The following VSIG10 variants were observed in gnomAD, a reference collection of about 807,000 sequenced individuals.
VSIG10 encodes V-set and immunoglobulin domain containing 10, also known as V-set and immunoglobulin domain-containing protein 10.
In VSIG10, 48 loss-of-function variants were observed where a neutral mutation model predicts 58.7. The ratio of observed to expected loss-of-function variants is 0.82; its 90% CI spans 0.65 to 1.04. The LOEUF (loss-of-function observed/expected upper bound fraction) is 1.04. VSIG10 is among the 50% of genes least tolerant of loss of function. The probability of loss-of-function intolerance (pLI) is 0.00; values close to 1 mark genes in which losing one functional copy is unlikely to be tolerated. For synonymous variants in VSIG10, 260 were observed against 267.1 expected (o/e 0.97, Z 0.26); for missense variants, 628 against 670.0 (o/e 0.94, Z 0.69).
chr12:118,082,074 G>A, intron 3 of VSIG10, 53 bp downstream of exon 3: 1 of 1,381,042 alleles, frequency 7.2e-7, no homozygotes, highest in Non-Finnish European at 1.0e-6. Flanking sequence ...CAGTTCATAA[G>A]TTCACAAAGG....
intron 2 of VSIG10, among the ~76,000 whole-genome samples, chr12:118,090,397 G>T (rs1335580363): frequency 6.6e-6 from 1 of 152,230 alleles, no homozygotes; most frequent in African/African-American, 2.4e-5. Flanking sequence ...TATCTGCAAA[G>T]ACCCTATTTC....
chr12:118,071,462 T>A lies in VSIG10; in HGVS notation c.1227A>T (p.Leu409Phe). The part of the protein sequence containing the change: ...MEIWLSVKEP[L>F]NIGGIVGTIV... ...TGGTTCCCACAATCCCCCCGATATTTAAAGGTTCTGTAAAGACAAATCACA... is the reference window on the plus strand; with the variant it reads ...TGGTTCCCACAATCCCCCCGATATTAAAAGGTTCTGTAAAGACAAATCACA... Residue 409 changes from leucine (L) to phenylalanine (F), a missense_variant, in exon 6 of 9, where the codon TTA (leucine) becomes TTT (phenylalanine). Transcript: ENST00000359236. 1 of 1,613,862 alleles carries A rather than the reference T, an allele frequency of 6.2e-7. No individual in the cohort carries two copies. The highest frequency in any genetic ancestry group is 1.7e-5 in the Admixed American group (1 of 60,008).
intron 1 of VSIG10, among the ~76,000 whole-genome samples, chr12:118,097,390 G>A (rs2033492653): frequency 6.6e-6 from 1 of 152,046 alleles, no homozygotes; most frequent in South Asian, 2.1e-4. Context: ...GAGGGAGGAG[G>A]TTTCACTTGA....
rs1432108902 is a variant in VSIG10 at position 118,064,070 on chromosome 12, T to C, written c.*2569A>G. The C allele has an allele frequency of 1.3e-5, 2 of 152,246 alleles. No individual in the cohort carries two copies. Among genetic ancestry groups the C allele is most frequent in the Non-Finnish European group, 2.9e-5 (2 of 68,052 alleles). 9.4% of individuals were successfully genotyped at this position (152,246 alleles called of 1,614,324 possible). On this transcript the variant is annotated 3_prime_UTR_variant, in exon 9 of 9. Coordinates refer to ENST00000359236, the MANE Select transcript of VSIG10 (RefSeq NM_019086.6). Reference sequence around the variant, plus strand: ...AACAATACATGCAGATAAGATTTTTTTTAAAGCACAGTGTAACAACTTGGA... The same window carrying C: ...AACAATACATGCAGATAAGATTTTTCTTAAAGCACAGTGTAACAACTTGGA...
chr12:118,078,963 AAAAAAT>A (rs1433859748), intron 4 of VSIG10, among the ~76,000 whole-genome samples: 36,593 of 123,820 alleles, frequency 0.3, 7,174 homozygotes, highest in Admixed American at 0.35. Flanking sequence ...AAAAAAAAAA[AAAAAAT>A]TTTCTTTATA....
Position 118,103,901 on chromosome 12 carries a change from G to A in VSIG10, c.-230C>T, listed in dbSNP as rs1465799685. 2.4e-6 allele frequency: 1 copy of A among 416,464 alleles called. No individual in the cohort carries two copies. The highest frequency in any genetic ancestry group is 4.2e-6 in the Non-Finnish European group (1 of 235,680). 25.8% of individuals were successfully genotyped at this position (416,464 alleles called of 1,614,324 possible). A position where few individuals can be genotyped will look rare whatever the true frequency, so the allele number is the denominator to read the frequency against. ...CCCGCTCCCGAGCGCCCTGGCCGGGGAGGGAGGGCGCACCCCGCCCCCTGC... is the reference window on the plus strand; with the variant it reads ...CCCGCTCCCGAGCGCCCTGGCCGGGAAGGGAGGGCGCACCCCGCCCCCTGC... On this transcript the variant is annotated 5_prime_UTR_variant, in exon 1 of 9. Transcript: ENST00000359236.
intron 4 of VSIG10, among the ~76,000 whole-genome samples, chr12:118,077,168 G>A (rs996642450): frequency 2.8e-4 from 43 of 152,214 alleles, no homozygotes; most frequent in African/African-American, 9.4e-4. Context: ...CTTTACACAC[G>A]ATGCCCCGGC....
In VSIG10 at chr12:118,071,413, G is replaced by A. The variant is rs2032487809; in HGVS notation, c.1276C>T (p.Leu426=). The change falls in exon 6 of 9, where the codon CTG becomes TTG. Residue 426 remains leucine (L), a synonymous_variant. Coordinates refer to ENST00000359236, the MANE Select transcript of VSIG10 (RefSeq NM_019086.6). The stretch of plus-strand genomic sequence containing the variant: ...AACAGAAGCCCTGAGATAATGGCCA[G>A]TCCCAGCAGAAGGAGGCTCACAATG... ...GTIVSLLLLG[L]AIISGLLLHY... 2 of 1,613,812 alleles carry A rather than the reference G, an allele frequency of 1.2e-6. No homozygotes were observed. The highest frequency in any genetic ancestry group is 1.7e-5 in the Admixed American group (1 of 59,986).
intron 3 of VSIG10, among the ~76,000 whole-genome samples, 151 bp from the exon 4 acceptor site, chr12:118,079,757 T>G (rs2032876432): frequency 1.3e-5 from 2 of 152,234 alleles, no homozygotes; most frequent in Non-Finnish European, 2.9e-5. Context: ...AATTCATGCC[T>G]GACAACAGTC....
intron 1 of VSIG10, among the ~76,000 whole-genome samples, chr12:118,098,317 CCG>C (rs2033527593): frequency 8.0e-6 from 1 of 125,380 alleles, no homozygotes; most frequent in African/African-American, 3.2e-5. Context: ...CCCTCTCTCT[CCG>C]CCTCTCCCTC....
chr12:118,099,217 G>A (rs965566269), intron 1 of VSIG10, among the ~76,000 whole-genome samples: 1 of 151,742 alleles, frequency 6.6e-6, no homozygotes, highest in African/African-American at 2.4e-5. Context: ...TTGTGACACT[G>A]CACTCCAGCC....
chr12:118,074,064 A>G (rs2032613036), intron 4 of VSIG10, 72 bp from the exon 5 acceptor site: 1 of 1,433,084 alleles, frequency 7.0e-7, no homozygotes, highest in East Asian at 2.4e-5. Context: ...CTGCAGGAAA[A>G]CTGCAGTAGT....
Position 118,082,272 on chromosome 12 carries a change from G to C in VSIG10, c.519C>G (p.Ser173Arg), listed in dbSNP as rs768814638. ...VEWWFQALNS[S>R]SESFGHNLTV... ...TCAGGTTGTGGCCAAAGGACTCGCT[G>C]CTGGAATTCAGGGCCTGGAACCACC... Residue 173 changes from serine (S) to arginine (R), a missense_variant, in exon 3 of 9, where the codon AGC becomes AGG. Physicochemically the swap from Ser to Arg is moderately radical, Grantham distance 110. Transcript: ENST00000359236. The C allele has an allele frequency of 6.2e-7, 1 of 1,613,988 alleles. No homozygotes were observed. Among genetic ancestry groups the C allele is most frequent in the South Asian group, 1.1e-5 (1 of 91,092 alleles).
At chr12:118,101,291 T>C (rs894211568) in intron 1 of VSIG10, among the ~76,000 whole-genome samples, 1 of 152,138 alleles carries the variant, frequency 6.6e-6, no homozygotes, top group African/African-American at 2.4e-5. Flanking sequence ...ATGGAAGGGG[T>C]AGTTCTTGCC....
At chr12:118,081,754 C>T (rs1219475275) in intron 3 of VSIG10, among the ~76,000 whole-genome samples, 1 of 152,122 alleles carries the variant, frequency 6.6e-6, no homozygotes, top group African/African-American at 2.4e-5. Context: ...CAGTGGCTCA[C>T]GCCTGTAATC....
At position 118,082,350 on chromosome 12, in the gene VSIG10, G is replaced by A. The variant is rs552816816; in HGVS notation, c.441C>T (p.Ser147=). 3.7e-6 allele frequency: 6 copies of A among 1,613,992 alleles called. No individual in the cohort carries two copies. The Admixed American group carries it at 5.0e-5, about 13-fold the overall frequency. Residue 147 remains serine (S), a synonymous_variant, in exon 3 of 9, where the codon TCC becomes TCT. Coordinates refer to ENST00000359236, the MANE Select transcript of VSIG10 (RefSeq NM_019086.6). The part of the protein sequence containing the change: ...PNGTLYAARG[S]QVDFSCNSSS... ...TGCTGTTGCAGCTGAAGTCCACCTG[G>A]GAGCCCCTGGCTGCGTAGAGGGTGC...
At chr12:118,094,782 G>A (rs1393900978) in intron 2 of VSIG10, among the ~76,000 whole-genome samples, 1 of 151,182 alleles carries the variant, frequency 6.6e-6, no homozygotes, top group Non-Finnish European at 1.5e-5. Flanking sequence ...TGTCGCCCAA[G>A]CTGGAGTGCA....
intron 7 of VSIG10, among the ~76,000 whole-genome samples, chr12:118,070,232 T>C (rs912419649): frequency 1.8e-4 from 27 of 152,038 alleles, no homozygotes; most frequent in African/African-American, 5.8e-4. Context: ...GTTCTGGGCA[T>C]GCTCATAGTA....
intron 1 of VSIG10, among the ~76,000 whole-genome samples, chr12:118,101,453 T>A (rs533064627): frequency 2.0e-5 from 3 of 152,228 alleles, no homozygotes; most frequent in African/African-American, 7.2e-5. Flanking sequence ...CAGGATGCAA[T>A]GATAAAATAT....
Sources: gnomAD v4.1 joint callset for allele counts (sites outside exome capture counted in the v4.1 genomes callset) on GRCh38, gnomAD v4.1.1 for gene constraint, MANE v1.5 for transcripts, NCBI Gene and HGNC (gene_info 2026-07-23, HGNC 2026-07-21) for gene names.